The following KCNK2 variants were observed in gnomAD, a reference collection of about 807,000 sequenced individuals.
KCNK2 encodes potassium channel subfamily K member 2.
In KCNK2, 21 loss-of-function variants were observed where a neutral mutation model predicts 40.5. That is an observed-to-expected ratio of 0.52 (90% CI 0.37 to 0.75). KCNK2 has a LOEUF of 0.75. Among genes scored for constraint, KCNK2 ranks in the 30% least tolerant of loss-of-function variants. The pLI is 0.00. For synonymous variants in KCNK2, 191 were observed against 202.2 expected, an observed-to-expected ratio of 0.94 and a Z score of 0.47; for missense variants, 399 against 531.6, an observed-to-expected ratio of 0.75 and a Z score of 2.45.
chr1:215,206,510 C>T (rs1325726913), intron 6 of KCNK2, among the ~76,000 whole-genome samples: 1 of 152,102 alleles, frequency 6.6e-6, no homozygotes, highest in Non-Finnish European at 1.5e-5. Flanking sequence ...TTTAGCCACA[C>T]ATCTATGTTA....
chr1:215,007,224 TATAG>T (rs1169484865), intron 1 of KCNK2, among the ~76,000 whole-genome samples: 7 of 106,998 alleles, frequency 6.5e-5, no homozygotes, highest in East Asian at 2.7e-4. Flanking sequence ...TATATATATA[TATAG>T]GCTCATTTCC....
intron 1 of KCNK2, among the ~76,000 whole-genome samples, chr1:215,016,672 T>C (rs1656598958): frequency 6.6e-6 from 1 of 152,058 alleles, no homozygotes; most frequent in Non-Finnish European, 1.5e-5. Context: ...ATGGGAAAAC[T>C]GCATGACATT....
chr1:215,080,075 T>C (rs750718809), upstream of KCNK2, among the ~76,000 whole-genome samples: 13 of 152,168 alleles, frequency 8.5e-5, no homozygotes, highest in Non-Finnish European at 1.8e-4. Flanking sequence ...CTGCTATGTA[T>C]GAATTGATAG....
intron 2 of KCNK2, among the ~76,000 whole-genome samples, chr1:215,103,767 A>G (rs1660318328): frequency 6.6e-6 from 1 of 152,076 alleles, no homozygotes; most frequent in Non-Finnish European, 1.5e-5. Flanking sequence ...TGACGGGACA[A>G]TAACTCCTGC....
intron 1 of KCNK2, among the ~76,000 whole-genome samples, chr1:215,019,819 T>G (rs1558058729): frequency 6.6e-6 from 1 of 152,222 alleles, no homozygotes; most frequent in Non-Finnish European, 1.5e-5. Flanking sequence ...TCTAGCTGCC[T>G]TGCCTCTCTT....
chr1:215,015,621 A>G (rs897387747), intron 1 of KCNK2, among the ~76,000 whole-genome samples: 2 of 152,122 alleles, frequency 1.3e-5, no homozygotes, highest in African/African-American at 4.8e-5. Flanking sequence ...TGCTCCCAGC[A>G]TCATTTTGCC....
intron 1 of KCNK2, among the ~76,000 whole-genome samples, chr1:215,015,430 C>T (rs1382267013): frequency 2.0e-5 from 3 of 152,018 alleles, no homozygotes; most frequent in African/African-American, 7.2e-5. Flanking sequence ...CTTTTTAGCT[C>T]GAGATTTCTG....
intron 1 of KCNK2, among the ~76,000 whole-genome samples, chr1:215,084,706 A>G (rs1659354877): frequency 6.6e-6 from 1 of 152,236 alleles, no homozygotes; most frequent in African/African-American, 2.4e-5. Flanking sequence ...TATTTGGAAC[A>G]GGTGAATGTA....
At chr1:215,046,478 T>C (rs1460916905) in intron 1 of KCNK2, among the ~76,000 whole-genome samples, 2 of 152,082 alleles carry the variant, frequency 1.3e-5, no homozygotes, top group Non-Finnish European at 2.9e-5. Flanking sequence ...CATTTTCTGA[T>C]ATAAAATACT....
intron 3 of KCNK2, among the ~76,000 whole-genome samples, chr1:215,141,412 A>C (rs1662168188): frequency 6.6e-6 from 1 of 152,090 alleles, no homozygotes; most frequent in Non-Finnish European, 1.5e-5. Context: ...CTATGATGTC[A>C]CTAGACGATA....
intron 6 of KCNK2, among the ~76,000 whole-genome samples, chr1:215,195,995 A>C (rs565271464): frequency 6.6e-6 from 1 of 152,298 alleles, no homozygotes; most frequent in African/African-American, 2.4e-5. Flanking sequence ...GAATTCTTTA[A>C]GTATACACCC....
At position 215,172,156 on chromosome 1, in the gene KCNK2, A is replaced by G. The variant is rs1332758743; in HGVS notation, c.796A>G (p.Thr266Ala). Residue 266 changes from threonine (T) to alanine (A), a missense_variant, in exon 5 of 7, where the codon ACT becomes GCT. By Grantham distance (58) the Thr-to-Ala change is moderately conservative. Transcript: ENST00000444842. The stretch of plus-strand genomic sequence containing the variant: ...TTATTTTGTGGTTATCACTCTAACA[A>G]CTATTGGATTTGGTGACTACGTTGC... ...AIYFVVITLTTIGFGDYVAGG... is the reference protein window; with the variant it reads ...AIYFVVITLTAIGFGDYVAGG... 6.2e-7 allele frequency: 1 copy of G among 1,613,082 alleles called. No homozygotes were observed. Among genetic ancestry groups the G allele is most frequent in the South Asian group, 1.1e-5 (1 of 90,976 alleles).
chr1:215,216,382 A>C (rs563819127), intron 6 of KCNK2, among the ~76,000 whole-genome samples: 2 of 145,348 alleles, frequency 1.4e-5, no homozygotes, highest in East Asian at 4.0e-4. Flanking sequence ...TATAATATAT[A>C]TTCTATAGTG....
chr1:215,141,657 G>C (rs902599422), intron 3 of KCNK2, among the ~76,000 whole-genome samples: 1 of 152,030 alleles, frequency 6.6e-6, no homozygotes, highest in Non-Finnish European at 1.5e-5. Context: ...ATTTGGCTGG[G>C]TATAAAATTC....
At chr1:215,095,350 C>T (rs12097685) in intron 2 of KCNK2, among the ~76,000 whole-genome samples, 17,466 of 152,078 alleles carry the variant, frequency 0.11, 3,326 homozygotes, top group African/African-American at 0.39. Flanking sequence ...CAACACATGT[C>T]TAGCAATAAT....
chr1:215,111,972 G>T (rs996919327), intron 2 of KCNK2, among the ~76,000 whole-genome samples: 11 of 130,426 alleles, frequency 8.4e-5, no homozygotes, highest in African/African-American at 4.1e-4. Flanking sequence ...CTCTGGACTT[G>T]TGCCTGTAAG....
chr1:215,058,577 A>G (rs1007471202), intron 1 of KCNK2, among the ~76,000 whole-genome samples: 4 of 152,138 alleles, frequency 2.6e-5, no homozygotes, highest in African/African-American at 9.7e-5. Flanking sequence ...GCCTCCTTCA[A>G]TCTTTCTTCA....
intron 1 of KCNK2, among the ~76,000 whole-genome samples, chr1:215,032,870 A>G (rs1223172537): frequency 6.6e-6 from 1 of 151,614 alleles, no homozygotes; most frequent in African/African-American, 2.4e-5. Context: ...TTTCTTTGAC[A>G]TTTATCTTGA....
At chr1:215,210,350 A>G (rs1169802311) in intron 6 of KCNK2, among the ~76,000 whole-genome samples, 3 of 151,750 alleles carry the variant, frequency 2.0e-5, no homozygotes, top group African/African-American at 7.3e-5. Flanking sequence ...CAAGGCAACA[A>G]GGTCATATAT....
Sources: gnomAD v4.1 joint callset for allele counts (sites outside exome capture counted in the v4.1 genomes callset) on GRCh38, gnomAD v4.1.1 for gene constraint, MANE v1.5 for transcripts, NCBI Gene and HGNC (gene_info 2026-07-23, HGNC 2026-07-21) for gene names.